SH3KBP1: variants seen among roughly 807,000 people sequenced by gnomAD.
SH3KBP1 encodes the protein SH3 domain-containing kinase-binding protein 1.
A neutral mutation model predicts 50.1 loss-of-function variants in SH3KBP1; 8 were observed. The ratio of observed to expected loss-of-function variants is 0.16; its 90% CI spans 0.09 to 0.29. The LOEUF (loss-of-function observed/expected upper bound fraction) is 0.29. SH3KBP1 is among the 10% of genes least tolerant of loss of function. The pLI is 1.00. For synonymous variants in SH3KBP1, 227 were observed against 218.6 expected, an observed-to-expected ratio of 1.04 and a Z score of -0.34; for missense variants, 377 against 535.2, an observed-to-expected ratio of 0.70 and a Z score of 2.92.
rs1371339240 is a variant in SH3KBP1, at chrX:19,704,376, A to G, written c.390+2505T>C. ...GCCAATAGGCAGGCAAAAGTGGGCA[A>G]TATTTCTGAGAAATGTATTAATCAT... On this transcript the variant is annotated intron_variant, in intron 4 of 17. Transcript: ENST00000397821. Among the ~76,000 whole-genome samples, 4 of 112,556 alleles carry G rather than the reference A, an allele frequency of 3.6e-5. No individual in the cohort carries two copies. In the East Asian group the frequency reaches 1.1e-3, roughly 31 times the overall value.
intron 2 of SH3KBP1, among the ~76,000 whole-genome samples, chrX:19,749,384 C>T (rs753557689): frequency 8.9e-6 from 1 of 112,727 alleles, no homozygotes; most frequent in Admixed American, 9.3e-5. Context: ...CAACTTTATA[C>T]ATAATAGCCA....
At chrX:19,554,243 T>TATCATATTGAAATATAATATTATATATC (rs1555983401) in intron 13 of SH3KBP1, among the ~76,000 whole-genome samples, 3 of 66,137 alleles carry the variant, frequency 4.5e-5, no homozygotes, top group African/African-American at 2.1e-4. Context: ...ATATATTATA[T>TATCATATTGAAATATAATATTATATATC]ATATTAAAAT....
chrX:19,675,479 A>G (rs2062904631), intron 6 of SH3KBP1, among the ~76,000 whole-genome samples: 1 of 106,777 alleles, frequency 9.4e-6, no homozygotes, highest in Non-Finnish European at 1.9e-5. Flanking sequence ...ATCTCAGCTC[A>G]TTGCAACCTC....
At chrX:19,784,675 T>C (rs1157040775) in intron 2 of SH3KBP1, among the ~76,000 whole-genome samples, 2 of 111,363 alleles carry the variant, frequency 1.8e-5, no homozygotes, top group Non-Finnish European at 3.8e-5. Flanking sequence ...AGTGGCGCGA[T>C]CTCAGCTCAC....
At chrX:19,870,636 A>G (rs1338304841) in intron 1 of SH3KBP1, among the ~76,000 whole-genome samples, 1 of 111,966 alleles carries the variant, frequency 8.9e-6, no homozygotes, top group East Asian at 2.8e-4. Context: ...GTGAGCCACC[A>G]TGCCCAGCCC....
chrX:19,588,173 T>A lies in SH3KBP1; in HGVS notation c.1298+470A>T, dbSNP rs1004804300. The A allele has an allele frequency of 1.5e-5, 5 of 342,981 alleles. No homozygotes were observed. The Admixed American group carries it at 2.9e-4, about 20-fold the overall frequency. The allele number at this position is 342,981 out of a possible 1,213,427, so 28.3% of individuals were successfully genotyped here. ...CCTGGCTCGGGGTTCCATAACAGGC[T>A]GTACAGTGAAGAGCAGAGGGAGCCT... is the stretch of plus-strand genomic sequence containing the variant. On this transcript the variant is annotated intron_variant, in intron 12 of 17. Coordinates refer to ENST00000397821, the MANE Select transcript of SH3KBP1 (RefSeq NM_031892.3).
In SH3KBP1 at chrX:19,675,243, T is replaced by C. The variant is rs979296258; in HGVS notation, c.726+8580A>G. The stretch of plus-strand genomic sequence containing the variant: ...GCCAGGCACTTCTCTAACCATTACA[T>C]GTTACTTAATCCTCACAACAACCCT... On this transcript the variant is annotated intron_variant, in intron 6 of 17. Coordinates refer to ENST00000397821, the MANE Select transcript of SH3KBP1 (RefSeq NM_031892.3). 1.2e-4 allele frequency among the ~76,000 whole-genome samples: 13 copies of C among 111,168 alleles called. No homozygotes were observed. The South Asian group carries it at 4.5e-3, about 39-fold the overall frequency.
chrX:19,841,793 C>G (rs1344259243), intron 1 of SH3KBP1, among the ~76,000 whole-genome samples: 1 of 107,344 alleles, frequency 9.3e-6, no homozygotes, highest in East Asian at 2.9e-4. Context: ...ATGGCAGCAT[C>G]AAGCCCAGGG....
At chrX:19,609,915 G>A (rs775520309) in intron 8 of SH3KBP1, among the ~76,000 whole-genome samples, 3 of 111,827 alleles carry the variant, frequency 2.7e-5, no homozygotes, top group African/African-American at 9.8e-5. Flanking sequence ...GCCTAAACTC[G>A]TGGGAATTCT....
Position 19,542,125 on chromosome X carries a change from G to T in SH3KBP1, c.1692C>A (p.Ala564=), listed in dbSNP as rs1371784067. 3 of 1,200,303 alleles carry T rather than the reference G, an allele frequency of 2.5e-6. No homozygotes were observed. Among genetic ancestry groups the T allele is most frequent in the Non-Finnish European group, 3.4e-6 (3 of 888,457 alleles). ...GGGAGGGCGCCGCTGAGGACAGAGG[G>T]GCTGGCCCACCGCCACCTGCTGCCA... is the stretch of plus-strand genomic sequence containing the variant. ...GTMAAGGGGP[A]PLSSAAPSPL... Residue 564 remains alanine (A), a synonymous_variant, in exon 16 of 18, where the codon GCC becomes GCA. Coordinates refer to ENST00000397821, the MANE Select transcript of SH3KBP1 (RefSeq NM_031892.3).
In SH3KBP1 at chrX:19,836,268, C is replaced by G. The variant is rs191836984; in HGVS notation, c.19G>C (p.Glu7Gln). Residue 7 changes from glutamate to glutamine, a missense_variant, in exon 2 of 18, where the codon GAG becomes CAG. Glu to Gln is a conservative substitution (Grantham distance 29). Coordinates refer to ENST00000397821, the MANE Select transcript of SH3KBP1 (RefSeq NM_031892.3). Reference sequence around the variant, plus strand: ...TCGTGCTGGGCCTGGTAGTCAAACTCCACTATGGCCTCCACTGGAAGGAAC... The same window carrying G: ...TCGTGCTGGGCCTGGTAGTCAAACTGCACTATGGCCTCCACTGGAAGGAAC... MVEAIV[E>Q]FDYQAQHDDE... 2.5e-6 allele frequency: 3 copies of G among 1,207,713 alleles called. No individual in the cohort carries two copies. The East Asian group carries it at 8.9e-5, about 36-fold the overall frequency.
chrX:19,799,890 C>T (rs2066846452), intron 2 of SH3KBP1: 3 of 886,529 alleles, frequency 3.4e-6, no homozygotes, highest in Non-Finnish European at 4.4e-6. Context: ...TTATTTCTGT[C>T]GCAAATCAAG....
chrX:19,607,126 C>A (rs1380551673), intron 9 of SH3KBP1, among the ~76,000 whole-genome samples: 7 of 112,484 alleles, frequency 6.2e-5, no homozygotes. Context: ...ATCCTTCCCA[C>A]ACCTCAGCCC....
At chrX:19,822,855 G>T (rs1438183539) in intron 2 of SH3KBP1, among the ~76,000 whole-genome samples, 1 of 112,237 alleles carries the variant, frequency 8.9e-6, no homozygotes, top group Non-Finnish European at 1.9e-5. Context: ...ACGATAGTTT[G>T]ATTTCAGAGC....
intron 2 of SH3KBP1, among the ~76,000 whole-genome samples, chrX:19,811,338 T>C (rs1456919582): frequency 2.7e-5 from 3 of 112,163 alleles, no homozygotes; most frequent in African/African-American, 9.8e-5. Flanking sequence ...GCTTAGCAGT[T>C]AGAACTTGAT....
chrX:19,663,368 A>G (rs1235750149), intron 6 of SH3KBP1, among the ~76,000 whole-genome samples: 3 of 111,831 alleles, frequency 2.7e-5, no homozygotes, highest in Non-Finnish European at 5.6e-5. Flanking sequence ...AAATATCCCA[A>G]TTGATACATT....
chrX:19,574,762 G>A (rs754242903), intron 12 of SH3KBP1, among the ~76,000 whole-genome samples: 1 of 112,240 alleles, frequency 8.9e-6, no homozygotes, highest in South Asian at 3.7e-4. Context: ...TAGTGTCAAC[G>A]CTTTTTAAAC....
intron 13 of SH3KBP1, among the ~76,000 whole-genome samples, chrX:19,562,651 A>C (rs2065717741): frequency 9.0e-6 from 1 of 111,284 alleles, no homozygotes; most frequent in South Asian, 3.9e-4. Context: ...GATGAACGAG[A>C]GCGCTGGCCA....
At chrX:19,813,910 C>T (rs1276290983) in intron 2 of SH3KBP1, among the ~76,000 whole-genome samples, 8 of 111,835 alleles carry the variant, frequency 7.2e-5, no homozygotes, top group Non-Finnish European at 1.5e-4. Flanking sequence ...TTAATATTTA[C>T]CAAGTTGCTC....
Sources: gnomAD v4.1 joint callset for allele counts (sites outside exome capture counted in the v4.1 genomes callset) on GRCh38, gnomAD v4.1.1 for gene constraint, MANE v1.5 for transcripts, NCBI Gene and HGNC (gene_info 2026-07-23, HGNC 2026-07-21) for gene names.